The following BLTP1 variants were observed in gnomAD, a reference collection of about 807,000 sequenced individuals.
The protein encoded by BLTP1 is fragile site-associated protein.
chr4:122,334,491 G>A, the BLTP1 span: 1 of 1,612,612 alleles, frequency 6.2e-7, no homozygotes, highest in African/African-American at 1.3e-5. Context: ...ACCTTCCACT[G>A]TCCAGAGCAA....
the BLTP1 span, among the ~76,000 whole-genome samples, chr4:122,337,926 C>T: frequency 6.6e-6 from 1 of 150,684 alleles, no homozygotes; most frequent in Non-Finnish European, 1.5e-5. Flanking sequence ...TTAATTAAAT[C>T]TGTTTATCAA....
chr4:122,231,683 C>G, the BLTP1 span: 2 of 966,856 alleles, frequency 2.1e-6, no homozygotes, highest in Non-Finnish European at 2.5e-6. Context: ...TTTCCTTTTT[C>G]TTGTTAACAT....
At chr4:122,305,160 GC>G in the BLTP1 span, 47 of 977,890 alleles carry the variant, frequency 4.8e-5, no homozygotes, top group African/African-American at 7.5e-4. Context: ...GAAAATTGTA[GC>G]CGCATATTGT....
chr4:122,287,566 A>G, the BLTP1 span: 6 of 985,288 alleles, frequency 6.1e-6, no homozygotes, highest in Non-Finnish European at 7.2e-6. Context: ...CAGTTTGTCA[A>G]AAACTGTTGC....
At chr4:122,313,878 A>ATAT in the BLTP1 span, 1 of 164,270 alleles carries the variant, frequency 6.1e-6, no homozygotes, top group African/African-American at 2.5e-5. Context: ...TATATATATA[A>ATAT]ATATATACAT....
At chr4:122,229,790 T>A in the BLTP1 span, 1 of 1,354,494 alleles carries the variant, frequency 7.4e-7, no homozygotes, top group South Asian at 2.0e-5. Flanking sequence ...ATTTTTTCCT[T>A]TTTTATTTCT....
chr4:122,308,749 A>G, the BLTP1 span, among the ~76,000 whole-genome samples: 1 of 152,134 alleles, frequency 6.6e-6, no homozygotes, highest in Non-Finnish European at 1.5e-5. Flanking sequence ...CCAAGAAGCA[A>G]CAGTTATTAA....
chr4:122,297,284 G>A, the BLTP1 span, among the ~76,000 whole-genome samples: 506 of 152,248 alleles, frequency 3.3e-3, no homozygotes, highest in South Asian at 0.018. Context: ...CATTCACGTG[G>A]CCAACAAACG....
At chr4:122,298,666 T>A in the BLTP1 span, 4 of 627,570 alleles carry the variant, frequency 6.4e-6, no homozygotes, top group Non-Finnish European at 8.0e-6. Context: ...ATTAGGTATT[T>A]AAACATATAA....
the BLTP1 span, chr4:122,287,648 A>G: frequency 1.0e-6 from 1 of 984,760 alleles, no homozygotes; most frequent in Non-Finnish European, 1.2e-6. Context: ...ATCTATAAGA[A>G]TGCTCTTTGG....
the BLTP1 span, chr4:122,171,810 C>A: frequency 1.6e-5 from 16 of 984,084 alleles, no homozygotes; most frequent in Non-Finnish European, 1.9e-5. Flanking sequence ...AAAAAAACAA[C>A]AATAACAAGC....
chr4:122,306,571 G>T, the BLTP1 span: 28 of 984,590 alleles, frequency 2.8e-5, no homozygotes, highest in Non-Finnish European at 3.1e-5. Context: ...CTTTGAATTA[G>T]GAGTTCACCA....
At chr4:122,209,192 G>C in the BLTP1 span, 1 of 1,611,752 alleles carries the variant, frequency 6.2e-7, no homozygotes, top group Non-Finnish European at 8.5e-7. Flanking sequence ...GTTTCTACCA[G>C]ACTGCCACCC....
chr4:122,297,637 G>A, the BLTP1 span, among the ~76,000 whole-genome samples: 2 of 152,158 alleles, frequency 1.3e-5, no homozygotes, highest in Non-Finnish European at 2.9e-5. Flanking sequence ...ATTCACAATA[G>A]CAAAGACATG....
At chr4:122,169,766 T>C in the BLTP1 span, 1 of 984,790 alleles carries the variant, frequency 1.0e-6, no homozygotes, top group African/African-American at 1.7e-5. Context: ...AGTTCTACAG[T>C]GAATTTTTCT....
At chr4:122,195,867 A>G in the BLTP1 span, among the ~76,000 whole-genome samples, 2 of 152,260 alleles carry the variant, frequency 1.3e-5, no homozygotes, top group South Asian at 4.1e-4. Flanking sequence ...AATTTATTCT[A>G]GGTAGCATTT....
At chr4:122,294,423 T>C in the BLTP1 span, among the ~76,000 whole-genome samples, 1 of 152,180 alleles carries the variant, frequency 6.6e-6, no homozygotes, top group Non-Finnish European at 1.5e-5. Flanking sequence ...CTTTGCTGTT[T>C]CACAGCCTTC....
the BLTP1 span, among the ~76,000 whole-genome samples, chr4:122,338,326 A>G: frequency 6.6e-6 from 1 of 151,940 alleles, no homozygotes; most frequent in Non-Finnish European, 1.5e-5. Context: ...AAATAAAATT[A>G]GCGAGGCGTG....
At chr4:122,353,388 A>G in the BLTP1 span, 1,072 of 293,134 alleles carry the variant, frequency 3.7e-3, 9 homozygotes, top group African/African-American at 0.023. This position sits in a 1 kb window ranked among gnomAD's most constrained non-coding sequence, Gnocchi z 4.3. Context: ...GTGGCTAAAC[A>G]TAAGTCATGG....
Sources: gnomAD v4.1 joint callset for allele counts (sites outside exome capture counted in the v4.1 genomes callset) on GRCh38, gnomAD v4.1.1 for gene constraint, Gnocchi (gnomAD v3.1) non-coding constraint, MANE v1.5 for transcripts, NCBI Gene and HGNC (gene_info 2026-07-23, HGNC 2026-07-21) for gene names.